The following PRMT9 variants were observed in gnomAD, a reference collection of about 807,000 sequenced individuals.
The protein encoded by PRMT9 is protein arginine N-methyltransferase 9.
In PRMT9, 59 loss-of-function variants were observed where a neutral mutation model predicts 83.2. The observed-to-expected ratio is 0.71, with a 90% confidence interval of 0.57 to 0.88. The LOEUF is 0.88. Ranked by LOEUF, PRMT9 falls within the 40% of genes least tolerant of loss-of-function variation. The probability of loss-of-function intolerance (pLI) is 0.00; values close to 1 mark genes in which losing one functional copy is unlikely to be tolerated. For missense variants in PRMT9, 947 were observed against 1,021.9 expected (o/e 0.93, Z 1.00); for synonymous variants, 333 against 353.2 (o/e 0.94, Z 0.64).
chr4:147,659,188 A>C (rs1734760616), intron 7 of PRMT9, among the ~76,000 whole-genome samples: 1 of 150,946 alleles, frequency 6.6e-6, no homozygotes, highest in Non-Finnish European at 1.5e-5. Flanking sequence ...CAAAAAAAAA[A>C]AAAAGAGTTC....
intron 10 of PRMT9, among the ~76,000 whole-genome samples, chr4:147,641,669 G>T (rs1299600746): frequency 6.6e-6 from 1 of 151,974 alleles, no homozygotes; most frequent in Non-Finnish European, 1.5e-5. Context: ...TGTACATGTA[G>T]TAGACATTCA....
intron 6 of PRMT9, among the ~76,000 whole-genome samples, chr4:147,665,801 T>G (rs1483045955): frequency 6.6e-6 from 1 of 152,248 alleles, no homozygotes; most frequent in Non-Finnish European, 1.5e-5. Flanking sequence ...TGCATAATAC[T>G]ACATTAGGTG....
At chr4:147,676,391 G>C (rs1301303478) in intron 2 of PRMT9, among the ~76,000 whole-genome samples, 10 of 152,050 alleles carry the variant, frequency 6.6e-5, no homozygotes, top group Non-Finnish European at 1.5e-4. Context: ...TTAAAATATA[G>C]ATTTTTTTAA....
chr4:147,664,071 T>C (rs1342198563), intron 6 of PRMT9, among the ~76,000 whole-genome samples: 2 of 152,096 alleles, frequency 1.3e-5, no homozygotes, highest in African/African-American at 2.4e-5. Flanking sequence ...CCAAGCACTT[T>C]AGGAGGCTAA....
intron 6 of PRMT9, among the ~76,000 whole-genome samples, chr4:147,664,317 GT>G (rs1560989334): frequency 6.6e-6 from 1 of 152,146 alleles, no homozygotes; most frequent in Non-Finnish European, 1.5e-5. Flanking sequence ...TACATATATA[GT>G]TTTTTTCCCC....
At chr4:147,662,140 G>A (rs2654949) in intron 6 of PRMT9, among the ~76,000 whole-genome samples, 131,045 of 152,164 alleles carry the variant, frequency 0.86, 58,657 homozygotes, top group Non-Finnish European at 0.98. Flanking sequence ...ACATCTATCA[G>A]TAATATAACA....
intron 8 of PRMT9, among the ~76,000 whole-genome samples, chr4:147,655,252 T>G (rs950344920): frequency 6.6e-6 from 1 of 152,120 alleles, no homozygotes; most frequent in African/African-American, 2.4e-5. Flanking sequence ...AGCCTCCAAC[T>G]CCTGGGCTCA....
chr4:147,680,389 T>C lies in PRMT9; in HGVS notation c.272A>G (p.Glu91Gly). 6.2e-7 allele frequency: 1 copy of C among 1,614,064 alleles called. No individual in the cohort carries two copies. The highest frequency in any genetic ancestry group is 8.5e-7 in the Non-Finnish European group (1 of 1,179,944). The change falls in exon 2 of 12, where the codon GAG becomes GGG. Residue 91 changes from glutamate (E) to glycine (G), a missense_variant. By Grantham distance (98) the Glu-to-Gly change is moderately conservative. Coordinates refer to ENST00000322396, the MANE Select transcript of PRMT9 (RefSeq NM_138364.4). ...ATCAGGAAACAGTTCCAAGGCCTGC[T>C]CATAGCAACCAAGTAAGTCTTGTAT... ...SRIQDLLGCY[E>G]QALELFPDDE... is the part of the protein sequence containing the mutation.
intron 9 of PRMT9, among the ~76,000 whole-genome samples, chr4:147,647,721 C>G (rs921784248): frequency 1.3e-5 from 2 of 152,030 alleles, no homozygotes; most frequent in Admixed American, 6.6e-5. Context: ...CGGGGTTTCA[C>G]CATGTTGGCC....
At chr4:147,648,631 G>A (rs1733894117) in intron 9 of PRMT9, among the ~76,000 whole-genome samples, 1 of 152,200 alleles carries the variant, frequency 6.6e-6, no homozygotes, top group South Asian at 2.1e-4. Flanking sequence ...CCGATTTACA[G>A]CCTGTAAGAA....
At chr4:147,657,244 G>A (rs1578900662) in intron 8 of PRMT9, among the ~76,000 whole-genome samples, 2 of 152,100 alleles carry the variant, frequency 1.3e-5, no homozygotes, top group South Asian at 2.1e-4. Flanking sequence ...TAGAAAAATC[G>A]GCCGGGCGCA....
At chr4:147,679,470 A>T (rs1420281918) in intron 2 of PRMT9, among the ~76,000 whole-genome samples, 2 of 151,036 alleles carry the variant, frequency 1.3e-5, no homozygotes, top group Non-Finnish European at 3.0e-5. Flanking sequence ...GCTGGAGGCC[A>T]GGCGCAGTGG....
At chr4:147,675,315 G>C (rs1426281154) in intron 2 of PRMT9, among the ~76,000 whole-genome samples, 1 of 152,108 alleles carries the variant, frequency 6.6e-6, no homozygotes, top group African/African-American at 2.4e-5. Flanking sequence ...TCCAGGTATG[G>C]TTTAAGCAAA....
intron 2 of PRMT9, among the ~76,000 whole-genome samples, chr4:147,679,327 G>A (rs1208662664): frequency 6.6e-6 from 1 of 152,072 alleles, no homozygotes; most frequent in African/African-American, 2.4e-5. Flanking sequence ...TCCAGCTACT[G>A]GAGTGCAGGT....
At position 147,637,882 on chromosome 4, in the gene PRMT9, T is replaced by C. The variant is rs1369281367; in HGVS notation, c.*650A>G. 3.3e-5 allele frequency: 5 copies of C among 152,356 alleles called. No individual in the cohort carries two copies. Among genetic ancestry groups the C allele is most frequent in the South Asian group, 2.1e-4 (1 of 4,834 alleles). 9.4% of individuals were successfully genotyped at this position (152,356 alleles called of 1,614,324 possible). On this transcript the variant is annotated 3_prime_UTR_variant, in exon 12 of 12. Transcript: ENST00000322396. Reference sequence around the variant, plus strand: ...ACATCCAAATCAAAACTTTGAAAAATAGTATAGGATTAAGTCTTCCTTCAA... The same window carrying C: ...ACATCCAAATCAAAACTTTGAAAAACAGTATAGGATTAAGTCTTCCTTCAA...
intron 7 of PRMT9, among the ~76,000 whole-genome samples, chr4:147,660,621 C>T (rs1343340989): frequency 6.6e-6 from 1 of 151,868 alleles, no homozygotes; most frequent in African/African-American, 2.4e-5. Flanking sequence ...CAGAGCAAGA[C>T]ACTGTCAAAG....
intron 10 of PRMT9, among the ~76,000 whole-genome samples, chr4:147,641,636 T>C (rs759643013): frequency 9.2e-5 from 14 of 152,174 alleles, no homozygotes; most frequent in Non-Finnish European, 1.8e-4. Flanking sequence ...CTTTATTTCA[T>C]AGCCCTATTC....
chr4:147,665,268 TTGA>T (rs1295002412), intron 6 of PRMT9, among the ~76,000 whole-genome samples: 1 of 152,206 alleles, frequency 6.6e-6, no homozygotes, highest in African/African-American at 2.4e-5. Context: ...TTAGGATCTA[TTGA>T]TGATTCTTGC....
chr4:147,664,988 A>G (rs1459837564), intron 6 of PRMT9, among the ~76,000 whole-genome samples: 10 of 151,638 alleles, frequency 6.6e-5, no homozygotes, highest in Non-Finnish European at 8.8e-5. Flanking sequence ...GCATGGTGGC[A>G]GGCATGCCTG....
Sources: gnomAD v4.1 joint callset for allele counts (sites outside exome capture counted in the v4.1 genomes callset) on GRCh38, gnomAD v4.1.1 for gene constraint, MANE v1.5 for transcripts, NCBI Gene and HGNC (gene_info 2026-07-23, HGNC 2026-07-21) for gene names.